SUPV3L1: variants seen among roughly 807,000 people sequenced by gnomAD.
SUPV3L1 encodes ATP-dependent RNA helicase SUPV3L1, mitochondrial.
In SUPV3L1, 35 loss-of-function variants were observed where a neutral mutation model predicts 70.0. That is an observed-to-expected ratio of 0.50 (90% CI 0.38 to 0.66). SUPV3L1 has a LOEUF of 0.66. Among genes scored for constraint, SUPV3L1 ranks in the 30% least tolerant of loss-of-function variants. The probability of loss-of-function intolerance (pLI) is 0.00; values close to 1 mark genes in which losing one functional copy is unlikely to be tolerated. For synonymous variants in SUPV3L1, 364 were observed against 341.9 expected (o/e 1.06, Z -0.71); for missense variants, 777 against 961.5 (o/e 0.81, Z 2.54).
intron 13 of SUPV3L1, among the ~76,000 whole-genome samples, chr10:69,207,325 T>C (rs10998639): frequency 0.22 from 33,510 of 152,046 alleles, 4,614 homozygotes; most frequent in Non-Finnish European, 0.31. Flanking sequence ...AAATCATCTT[T>C]TTTTGTTTTT....
chr10:69,187,056 C>G (rs557325187), intron 3 of SUPV3L1, among the ~76,000 whole-genome samples: 5 of 152,278 alleles, frequency 3.3e-5, no homozygotes, highest in African/African-American at 4.8e-5. Flanking sequence ...GTGGAGAATT[C>G]TTGCTGAGGA....
At chr10:69,191,260 C>G (rs1195117325) in intron 5 of SUPV3L1, among the ~76,000 whole-genome samples, 1 of 123,694 alleles carries the variant, frequency 8.1e-6, no homozygotes, top group Non-Finnish European at 1.6e-5. Flanking sequence ...TTGAGACAGT[C>G]TTGCTCTGTC....
intron 5 of SUPV3L1, among the ~76,000 whole-genome samples, chr10:69,191,348 CCT>C (rs1166600563): frequency 1.3e-5 from 2 of 151,452 alleles, no homozygotes; most frequent in African/African-American, 4.9e-5. Flanking sequence ...CCTGCCTCAG[CCT>C]CCCGAGTAGC....
At chr10:69,186,590 C>T in intron 3 of SUPV3L1, 40 bp downstream of exon 3, 1 of 1,498,364 alleles carries the variant, frequency 6.7e-7, no homozygotes, top group Non-Finnish European at 9.3e-7. Context: ...ATTGAACATA[C>T]CTTCTATTTC....
At chr10:69,183,125 A>G (rs929436584) in intron 1 of SUPV3L1, among the ~76,000 whole-genome samples, 1 of 152,214 alleles carries the variant, frequency 6.6e-6, no homozygotes, top group East Asian at 1.9e-4. Context: ...GCAGGTGCTC[A>G]GGTCAAAACC....
rs1322890180 is a variant in SUPV3L1 at position 69,182,501 on chromosome 10, A to G, written c.271+1939A>G. The G allele has an allele frequency of 3.0e-6, 3 of 984,864 alleles. No individual in the cohort carries two copies. In the African/African-American group the frequency reaches 5.2e-5, roughly 17 times the overall value. The allele number at this position is 984,864 out of a possible 1,614,324, so 61.0% of individuals were successfully genotyped here. A position where few individuals can be genotyped will look rare whatever the true frequency, so the allele number is the denominator to read the frequency against. ...TGCCTTATTGTATTCAAATATTGATAAATTCTTATTTTCTGCAGCTATTCC... is the reference window on the plus strand; with the variant it reads ...TGCCTTATTGTATTCAAATATTGATGAATTCTTATTTTCTGCAGCTATTCC... On this transcript the variant is annotated intron_variant, in intron 1 of 14. Transcript: ENST00000359655.
At chr10:69,182,161 AT>A (rs1408193157) in intron 1 of SUPV3L1, among the ~76,000 whole-genome samples, 1 of 151,854 alleles carries the variant, frequency 6.6e-6, no homozygotes, top group Non-Finnish European at 1.5e-5. Flanking sequence ...TGCCTGGATA[AT>A]TTTTTAATTT....
intron 6 of SUPV3L1, chr10:69,192,651 T>C (rs981629132): frequency 6.6e-6 from 1 of 152,156 alleles, no homozygotes; most frequent in Non-Finnish European, 1.5e-5. Context: ...GATATTTAGG[T>C]TGTTTAAAGT....
In SUPV3L1 at chr10:69,207,948, A is replaced by G; in HGVS notation, c.1925+7A>G. 6.2e-7 allele frequency: 1 copy of G among 1,610,738 alleles called. No homozygotes were observed. Among genetic ancestry groups the G allele is most frequent in the Non-Finnish European group, 8.5e-7 (1 of 1,178,522 alleles). ...ATCTTTACTTGTGGCTAAGGTACCAACATTTTTCCTTTATGTGCTCTCATT... is the reference window on the plus strand; with the variant it reads ...ATCTTTACTTGTGGCTAAGGTACCAGCATTTTTCCTTTATGTGCTCTCATT... On this transcript the variant is annotated splice_region_variant and intron_variant, in intron 14 of 14. Coordinates refer to ENST00000359655, the MANE Select transcript of SUPV3L1 (RefSeq NM_003171.5).
intron 1 of SUPV3L1, among the ~76,000 whole-genome samples, chr10:69,182,056 A>G (rs952630902): frequency 8.1e-5 from 12 of 148,800 alleles, no homozygotes; most frequent in East Asian, 4.0e-4. Context: ...GTATAGTGGT[A>G]TGATCATAGC....
At position 69,189,439 on chromosome 10, in the gene SUPV3L1, A is replaced by C; in HGVS notation, c.741+4A>C. The C allele has an allele frequency of 1.3e-6, 2 of 1,571,522 alleles. No homozygotes were observed. Among genetic ancestry groups the C allele is most frequent in the Non-Finnish European group, 1.7e-6 (2 of 1,158,342 alleles). On this transcript the variant is annotated splice_donor_region_variant and intron_variant, in intron 5 of 14. Transcript: ENST00000359655. The stretch of plus-strand genomic sequence containing the variant: ...CTTCGAAAAGAGTAATGCTGCTGTC[A>C]GTATATTACCAAATATTTGCTCATT...
At chr10:69,195,786 A>T (rs1472081773) in intron 7 of SUPV3L1, among the ~76,000 whole-genome samples, 1 of 152,166 alleles carries the variant, frequency 6.6e-6, no homozygotes, top group African/African-American at 2.4e-5. Flanking sequence ...TCTGATGCCC[A>T]GGTTGGAGTG....
chr10:69,208,675 A>G lies in SUPV3L1; in HGVS notation c.2001A>G (p.Gln667=). The G allele has an allele frequency of 6.2e-7, 1 of 1,614,232 alleles. No homozygotes were observed. The highest frequency in any genetic ancestry group is 1.1e-5 in the South Asian group (1 of 91,086). Residue 667 remains glutamine (Q), a synonymous_variant, in exon 15 of 15, where the codon CAA becomes CAG. Transcript: ENST00000359655. ...DLQKELDGII[Q]DGVHNITKLI... is the part of the protein sequence containing the mutation. ...AGAAAGAACTAGATGGTATTATCCA[A>G]GATGGTGTGCACAATATCACTAAAT...
chr10:69,196,449 C>T (rs1456593235), intron 7 of SUPV3L1, among the ~76,000 whole-genome samples: 1 of 151,522 alleles, frequency 6.6e-6, no homozygotes, highest in African/African-American at 2.4e-5. Flanking sequence ...CACAGTGAAC[C>T]GAGGTCATGC....
intron 7 of SUPV3L1, 115 bp from the exon 8 acceptor site, chr10:69,196,877 C>A: frequency 1.3e-6 from 1 of 785,880 alleles, no homozygotes; most frequent in Non-Finnish European, 2.0e-6. Context: ...TTTGAAAATA[C>A]TTGGTAAGGT....
intron 1 of SUPV3L1, chr10:69,182,795 C>T (rs756251495): frequency 2.1e-5 from 13 of 630,090 alleles, no homozygotes; most frequent in African/African-American, 4.0e-5. Flanking sequence ...GTCAGATTTC[C>T]ACTTAGCTTA....
chr10:69,197,294 A>T (rs925256591), intron 8 of SUPV3L1, among the ~76,000 whole-genome samples: 10 of 152,332 alleles, frequency 6.6e-5, no homozygotes, highest in Non-Finnish European at 1.3e-4. Context: ...AAGTCTTCCA[A>T]GAGTACAGGA....
intron 1 of SUPV3L1, chr10:69,182,783 G>T (rs1842100672): frequency 1.4e-6 from 1 of 701,808 alleles, no homozygotes; most frequent in Non-Finnish European, 1.8e-6. Context: ...TGTGGTTAAG[G>T]TGTCAGATTT....
At chr10:69,184,051 G>A (rs910336697) in intron 1 of SUPV3L1, among the ~76,000 whole-genome samples, 2 of 152,044 alleles carry the variant, frequency 1.3e-5, no homozygotes, top group Non-Finnish European at 2.9e-5. Flanking sequence ...TTTAATTTGA[G>A]TAAAGCAGCA....
Sources: allele counts gnomAD v4.1 joint callset (sites outside exome capture counted in the v4.1 genomes callset), GRCh38; gene constraint gnomAD v4.1.1; transcripts MANE v1.5; gene names NCBI Gene and HGNC (gene_info 2026-07-23, HGNC 2026-07-21).